The following FAM168A variants were observed in gnomAD, a reference collection of about 807,000 sequenced individuals.
The protein encoded by FAM168A is protein FAM168A.
FAM168A carries 3 observed loss-of-function variants against 28.5 expected under a neutral mutation model. The ratio of observed to expected loss-of-function variants is 0.11; its 90% confidence interval spans 0.05 to 0.27. The LOEUF (loss-of-function observed/expected upper bound fraction) is 0.27, where lower values mean the gene tolerates loss of function less well. FAM168A is among the 10% of genes least tolerant of loss of function. The probability of loss-of-function intolerance (pLI) is 1.00; values close to 1 mark genes in which losing one functional copy is unlikely to be tolerated. For missense variants in FAM168A, 222 were observed against 311.5 expected, an observed-to-expected ratio of 0.71 and a Z score of 2.16; for synonymous variants, 122 against 124.2, an observed-to-expected ratio of 0.98 and a Z score of 0.12.
At chr11:73,488,038 G>C (rs1438355335) in intron 1 of FAM168A, among the ~76,000 whole-genome samples, 1 of 151,952 alleles carries the variant, frequency 6.6e-6, no homozygotes, top group Non-Finnish European at 1.5e-5. Flanking sequence ...TGCCAACACT[G>C]GTATAGGTCT....
intron 2 of FAM168A, among the ~76,000 whole-genome samples, chr11:73,456,015 A>G (rs1445891478): frequency 6.6e-6 from 1 of 152,242 alleles, no homozygotes; most frequent in Non-Finnish European, 1.5e-5. Context: ...GCAAACTGTA[A>G]GGGAATCTTC....
At chr11:73,493,523 C>T (rs1350258489) in intron 1 of FAM168A, among the ~76,000 whole-genome samples, 1 of 152,144 alleles carries the variant, frequency 6.6e-6, no homozygotes, top group Non-Finnish European at 1.5e-5. Context: ...AGTGATCCTC[C>T]CAAGGCCTCA....
At chr11:73,522,664 G>C (rs1943397378) in intron 1 of FAM168A, among the ~76,000 whole-genome samples, 1 of 151,322 alleles carries the variant, frequency 6.6e-6, no homozygotes, top group African/African-American at 2.4e-5. Context: ...GACTTTTACT[G>C]GCTATGTCAG....
intron 3 of FAM168A, 51 bp from the exon 4 acceptor site, chr11:73,420,050 C>T (rs1565236717): frequency 6.2e-7 from 1 of 1,601,722 alleles, no homozygotes; most frequent in African/African-American, 1.3e-5. Flanking sequence ...AAGTGGCCAC[C>T]ACCAATCACA....
chr11:73,509,799 G>A (rs1342642795), intron 1 of FAM168A, among the ~76,000 whole-genome samples: 3 of 152,072 alleles, frequency 2.0e-5, no homozygotes, highest in Non-Finnish European at 4.4e-5. Flanking sequence ...AGAGAAGTAT[G>A]TGTTCACTTT....
In FAM168A at chr11:73,456,394, A is replaced by G. The variant is rs1375113400; in HGVS notation, c.70+12011T>C. 4.6e-5 allele frequency among the ~76,000 whole-genome samples: 7 copies of G among 152,208 alleles called. No homozygotes were observed. In the South Asian group the frequency reaches 6.2e-4, roughly 14 times the overall value. On this transcript the variant is annotated intron_variant, in intron 2 of 7. Transcript: ENST00000356467. Reference sequence around the variant, plus strand: ...TCCACCATTTTATAGAAATTTACCAATGACTGAATATACTGCTATGTCTTG... The same window carrying G: ...TCCACCATTTTATAGAAATTTACCAGTGACTGAATATACTGCTATGTCTTG...
intron 6 of FAM168A, among the ~76,000 whole-genome samples, chr11:73,408,338 G>A (rs773366253): frequency 6.6e-6 from 1 of 152,206 alleles, no homozygotes; most frequent in Non-Finnish European, 1.5e-5. Flanking sequence ...GGCTGGCACT[G>A]AGTAGATATC....
intron 2 of FAM168A, among the ~76,000 whole-genome samples, chr11:73,449,659 A>G (rs973533811): frequency 2.0e-5 from 3 of 152,190 alleles, no homozygotes; most frequent in African/African-American, 7.2e-5. Context: ...GAAGGTTTGG[A>G]GTCAGGTCTT....
chr11:73,487,001 A>C lies in FAM168A; in HGVS notation c.-18-18509T>G, dbSNP rs113772031. On this transcript the variant is annotated intron_variant, in intron 1 of 7. Coordinates refer to ENST00000356467, the MANE Select transcript of FAM168A (RefSeq NM_015159.3). ...CATCCACATTGATGAGCCATGGATTATTTTTTAACCAGCAAGACCAATGTG... is the reference window on the plus strand; with the variant it reads ...CATCCACATTGATGAGCCATGGATTCTTTTTTAACCAGCAAGACCAATGTG... Among the ~76,000 whole-genome samples the C allele has an allele frequency of 7.1e-3, 1,080 of 152,306 alleles. 13 individuals carry two copies. The highest frequency in any genetic ancestry group is 0.023 in the African/African-American group (945 of 41,560).
intron 2 of FAM168A, among the ~76,000 whole-genome samples, chr11:73,439,397 C>G (rs1867152456): frequency 6.6e-6 from 1 of 152,210 alleles, no homozygotes; most frequent in Non-Finnish European, 1.5e-5. Context: ...CCAGCAACCT[C>G]TGGGTCATTC....
chr11:73,430,742 G>C lies in FAM168A; in HGVS notation c.99C>G (p.Ala33=). Reference sequence around the variant, plus strand: ...GGTACAGGCTGGGATTGTAGGCAGGGGCAGCTGCTGGATAGGCTGTGGGGT... The same window carrying C: ...GGTACAGGCTGGGATTGTAGGCAGGCGCAGCTGCTGGATAGGCTGTGGGGT... ...TGYPTAYPAA[A]PAYNPSLYPT... is the part of the protein sequence containing the mutation. The change falls in exon 3 of 8, where the codon GCC becomes GCG. Residue 33 remains alanine, a synonymous_variant. Transcript: ENST00000356467. The C allele has an allele frequency of 6.2e-7, 1 of 1,613,314 alleles. No individual in the cohort carries two copies.
intron 1 of FAM168A, among the ~76,000 whole-genome samples, chr11:73,529,000 TA>T (rs376487940): frequency 9.4e-5 from 14 of 149,164 alleles, no homozygotes; most frequent in African/African-American, 1.2e-4. Flanking sequence ...GTGTGGGATT[TA>T]AAAAAAAAAG....
chr11:73,563,646 G>A (rs1943984748), intron 1 of FAM168A, among the ~76,000 whole-genome samples: 2 of 152,170 alleles, frequency 1.3e-5, no homozygotes, highest in African/African-American at 4.8e-5. Flanking sequence ...TTCAGAAGGG[G>A]AGACCCAAAA....
intron 1 of FAM168A, among the ~76,000 whole-genome samples, chr11:73,535,232 C>T (rs1309282111): frequency 2.6e-5 from 4 of 151,708 alleles, no homozygotes; most frequent in Non-Finnish European, 1.5e-5. Context: ...TAGTAGAGTC[C>T]CCTTCTTTGA....
intron 1 of FAM168A, among the ~76,000 whole-genome samples, chr11:73,472,270 C>G (rs528987436): frequency 1.3e-4 from 20 of 152,094 alleles, no homozygotes; most frequent in Non-Finnish European, 2.2e-4. Flanking sequence ...TGAGCAAACA[C>G]CTGAATAAGT....
intron 1 of FAM168A, among the ~76,000 whole-genome samples, chr11:73,489,111 C>A (rs574849096): frequency 7.9e-5 from 12 of 152,228 alleles, no homozygotes; most frequent in African/African-American, 2.9e-4. Context: ...GAACTCCTGA[C>A]CTCTTGATCT....
Position 73,525,372 on chromosome 11 carries a change from C to G in FAM168A, c.-18-56880G>C, listed in dbSNP as rs1317604405. ...GTTTCTCAGCAATACATCCTCCAGTCTCCTATCTGAGGAGATTAAGTTTGA... is the reference window on the plus strand; with the variant it reads ...GTTTCTCAGCAATACATCCTCCAGTGTCCTATCTGAGGAGATTAAGTTTGA... On this transcript the variant is annotated intron_variant, in intron 1 of 7. Transcript: ENST00000356467. Among the ~76,000 whole-genome samples the G allele has an allele frequency of 5.3e-5, 8 of 152,238 alleles. No homozygotes were observed. In the South Asian group the frequency reaches 1.4e-3, roughly 28 times the overall value.
At chr11:73,558,863 G>A (rs962953617) in intron 1 of FAM168A, among the ~76,000 whole-genome samples, 2 of 152,096 alleles carry the variant, frequency 1.3e-5, no homozygotes, top group Non-Finnish European at 2.9e-5. Flanking sequence ...TGTTAAAATG[G>A]TGCAGCCATT....
chr11:73,502,331 G>GAAAT (rs1246217871), intron 1 of FAM168A, among the ~76,000 whole-genome samples: 1 of 152,046 alleles, frequency 6.6e-6, no homozygotes, highest in Non-Finnish European at 1.5e-5. Flanking sequence ...TGATCCCACA[G>GAAAT]AAATACAAAC....
Sources: allele counts gnomAD v4.1 joint callset (sites outside exome capture counted in the v4.1 genomes callset), GRCh38; gene constraint gnomAD v4.1.1; transcripts MANE v1.5; gene names NCBI Gene and HGNC (gene_info 2026-07-23, HGNC 2026-07-21).